Variants in SIMC1 observed in about 807,000 individuals in gnomAD.
The protein encoded by SIMC1 is SUMO-interacting motif-containing protein 1.
In SIMC1, 55 loss-of-function variants were observed where a neutral mutation model predicts 82.3. The ratio of observed to expected loss-of-function variants is 0.67; its 90% confidence interval spans 0.54 to 0.84. The LOEUF is 0.84. SIMC1 is among the 40% of genes least tolerant of loss of function. The pLI, the probability that SIMC1 is intolerant of heterozygous loss-of-function variation, is 0.00. For synonymous variants in SIMC1, 353 were observed against 426.3 expected (o/e 0.83, Z 2.12); for missense variants, 915 against 1,107.2 (o/e 0.83, Z 2.46).
Position 176,322,257 on chromosome 5 carries a change from C to T in SIMC1, c.1890-16C>T. The T allele has an allele frequency of 6.5e-7, 1 of 1,531,836 alleles. No individual in the cohort carries two copies. The highest frequency in any genetic ancestry group is 1.2e-5 in the South Asian group (1 of 81,162). The allele number at this position is 1,531,836 out of a possible 1,614,324, so 94.9% of individuals were successfully genotyped here. ...AAAAGAAAGAATAAACCTTTTCTTT[C>T]TTTTTTCCATTACAGGGATGTTATC... is the stretch of plus-strand genomic sequence containing the variant. On this transcript the variant is annotated splice_polypyrimidine_tract_variant and intron_variant, in intron 5 of 9. Transcript: ENST00000429602.
chr5:176,315,772 T>G (rs1469677923), intron 5 of SIMC1, among the ~76,000 whole-genome samples: 1 of 152,198 alleles, frequency 6.6e-6, no homozygotes, highest in Non-Finnish European at 1.5e-5. Context: ...CATATTTATT[T>G]CCCTATATGT....
chr5:176,282,064 T>C (rs1399610679), intron 1 of SIMC1, among the ~76,000 whole-genome samples: 1 of 152,236 alleles, frequency 6.6e-6, no homozygotes, highest in Non-Finnish European at 1.5e-5. Context: ...CAGGCCTCCT[T>C]GAGCTGTGGT....
intron 4 of SIMC1, chr5:176,308,952 A>G (rs1266713627): frequency 1.0e-6 from 1 of 1,000,896 alleles, no homozygotes; most frequent in Non-Finnish European, 1.6e-6. Context: ...AACCAATAGC[A>G]TTTGCAGGAA....
intron 2 of SIMC1, among the ~76,000 whole-genome samples, chr5:176,294,291 C>CTGTA: frequency 6.6e-6 from 1 of 151,550 alleles, no homozygotes; most frequent in South Asian, 2.1e-4. Flanking sequence ...TCTTTTTTGT[C>CTGTA]TGTTTTGATT....
intron 7 of SIMC1, among the ~76,000 whole-genome samples, chr5:176,330,596 G>A (rs1255866026): frequency 1.3e-5 from 2 of 152,072 alleles, no homozygotes; most frequent in African/African-American, 4.8e-5. Flanking sequence ...GGAATAATTT[G>A]AGCTCCAAAA....
intron 1 of SIMC1, among the ~76,000 whole-genome samples, chr5:176,269,849 C>T (rs113235039): frequency 1.3e-5 from 2 of 152,072 alleles, no homozygotes; most frequent in Non-Finnish European, 2.9e-5. Flanking sequence ...AGGTTTAAGC[C>T]GTCCTCCCTT....
At chr5:176,243,624 C>T (rs1239318765) in intron 1 of SIMC1, among the ~76,000 whole-genome samples, 5 of 151,808 alleles carry the variant, frequency 3.3e-5, no homozygotes, top group Non-Finnish European at 4.4e-5. Context: ...CAGGTTCAAG[C>T]AATTTCCCCC....
chr5:176,299,310 G>A lies in SIMC1; in HGVS notation c.1734+2990G>A, dbSNP rs535594880. ...GTGGAGGTTGAGGTGGGAGGATCCC[G>A]TGAGCCCAGGAGTTCTAGGCTGCAG... On this transcript the variant is annotated intron_variant, in intron 4 of 9. Coordinates refer to ENST00000429602, the MANE Select transcript of SIMC1 (RefSeq NM_001308195.2). Among the ~76,000 whole-genome samples the A allele has an allele frequency of 2.0e-3, 307 of 151,856 alleles. 1 individual carries two copies. Among genetic ancestry groups the A allele is most frequent in the African/African-American group, 7.2e-3 (300 of 41,402 alleles).
At chr5:176,246,448 G>GTTGT (rs1329045778) in intron 1 of SIMC1, among the ~76,000 whole-genome samples, 12 of 134,956 alleles carry the variant, frequency 8.9e-5, no homozygotes, top group African/African-American at 2.0e-4. Flanking sequence ...GTGTGTGTGT[G>GTTGT]TTGTTTGTTT....
intron 5 of SIMC1, among the ~76,000 whole-genome samples, chr5:176,315,949 C>A (rs1764883260): frequency 6.6e-6 from 1 of 152,072 alleles, no homozygotes; most frequent in South Asian, 2.1e-4. Context: ...CCAAGGCGGG[C>A]AGATCACCTG....
intron 1 of SIMC1, among the ~76,000 whole-genome samples, chr5:176,278,989 C>T (rs1432949828): frequency 4.6e-5 from 7 of 152,170 alleles, no homozygotes; most frequent in Non-Finnish European, 8.8e-5. Flanking sequence ...AGGATTCTCT[C>T]TTTTTCTATT....
intron 1 of SIMC1, among the ~76,000 whole-genome samples, chr5:176,245,341 C>G (rs1482899651): frequency 4.6e-5 from 7 of 152,120 alleles, no homozygotes; most frequent in African/African-American, 1.7e-4. Flanking sequence ...CTGGCGACAT[C>G]AGGAGCTAAG....
intron 1 of SIMC1, among the ~76,000 whole-genome samples, chr5:176,265,989 G>A (rs1431685496): frequency 1.3e-5 from 2 of 152,140 alleles, no homozygotes. Context: ...AGTATGTACA[G>A]TGTGCTATGG....
rs1335023626 is a variant in SIMC1 at position 176,277,804 on chromosome 5, C to G, written c.130-11850C>G. On this transcript the variant is annotated intron_variant, in intron 1 of 9. Coordinates refer to ENST00000429602, the MANE Select transcript of SIMC1 (RefSeq NM_001308195.2). ...GAGGGCTCTGTTCTGTTCCATTGAT[C>G]TATATCTCTGTTTTGGTACCAGTAC... is the stretch of plus-strand genomic sequence containing the variant. Among the ~76,000 whole-genome samples the G allele has an allele frequency of 3.2e-4, 49 of 151,754 alleles. 1 individual carries two copies. The highest frequency in any genetic ancestry group is 5.9e-4 in the Non-Finnish European group (40 of 67,880).
chr5:176,335,123 C>A (rs188458901), intron 7 of SIMC1, among the ~76,000 whole-genome samples: 31 of 151,532 alleles, frequency 2.0e-4, no homozygotes, highest in South Asian at 4.2e-4. Context: ...TAATAATAAT[C>A]ATCACAGTCC....
At chr5:176,286,448 A>C (rs1763288054) in intron 1 of SIMC1, among the ~76,000 whole-genome samples, 2 of 152,260 alleles carry the variant, frequency 1.3e-5, no homozygotes, top group South Asian at 2.1e-4. Context: ...AGAAAGCTGA[A>C]ACTGGATCCC....
At position 176,290,299 on chromosome 5, in the gene SIMC1, C is replaced by T. The variant is rs1387507537; in HGVS notation, c.775C>T (p.Pro259Ser). 3 of 1,613,918 alleles carry T rather than the reference C, an allele frequency of 1.9e-6. No individual in the cohort carries two copies. The highest frequency in any genetic ancestry group is 2.5e-6 in the Non-Finnish European group (3 of 1,179,886). ...CPSQTMQCQL[P>S]ALTHPPQEVP... ...ATCACAAACCATGCAGTGCCAACTA[C>T]CAGCTCTAACTCACCCACCTCAAGA... The change falls in exon 2 of 10, where the codon CCA becomes TCA. Residue 259 changes from proline to serine, a missense_variant. This residue lies in a region of SIMC1 where 902 missense variants were observed against 1,040.3 expected (regional missense o/e 0.87). Coordinates refer to ENST00000429602, the MANE Select transcript of SIMC1 (RefSeq NM_001308195.2).
chr5:176,316,341 C>T (rs1764904027), intron 5 of SIMC1, among the ~76,000 whole-genome samples: 1 of 151,962 alleles, frequency 6.6e-6, no homozygotes, highest in African/African-American at 2.4e-5. Flanking sequence ...GTGAGCCTCT[C>T]ACTGTACGGG....
chr5:176,327,938 C>A (rs920353328), intron 7 of SIMC1, among the ~76,000 whole-genome samples: 1 of 152,180 alleles, frequency 6.6e-6, no homozygotes, highest in Non-Finnish European at 1.5e-5. Flanking sequence ...AAAAACCCTA[C>A]TTGGTTGTGA....
Sources: allele counts gnomAD v4.1 joint callset (sites outside exome capture counted in the v4.1 genomes callset), GRCh38; gene constraint gnomAD v4.1.1; regional missense constraint gnomAD v4.1.1; transcripts MANE v1.5; gene names NCBI Gene and HGNC (gene_info 2026-07-23, HGNC 2026-07-21).